Variants in CA10 observed in about 807,000 individuals in gnomAD.
The protein encoded by CA10 is carbonic anhydrase 10 (inactive).
In CA10, 14 loss-of-function variants were observed where a neutral mutation model predicts 44.2. The ratio of observed to expected loss-of-function variants is 0.32; its 90% confidence interval spans 0.21 to 0.50. The LOEUF is 0.50. Ranked by LOEUF, CA10 falls within the 20% of genes least tolerant of loss-of-function variation. The pLI is 0.99. For synonymous variants in CA10, 159 were observed against 141.6 expected, an observed-to-expected ratio of 1.12 and a Z score of -0.87; for missense variants, 350 against 409.7, an observed-to-expected ratio of 0.85 and a Z score of 1.26.
At chr17:52,029,972 G>C (rs774691215) in intron 2 of CA10, among the ~76,000 whole-genome samples, 1 of 152,124 alleles carries the variant, frequency 6.6e-6, no homozygotes, top group Non-Finnish European at 1.5e-5. Flanking sequence ...GACTTTTTAC[G>C]TCAAGTGAGG....
At chr17:51,822,285 G>A (rs1291637933) in intron 3 of CA10, among the ~76,000 whole-genome samples, 1 of 152,024 alleles carries the variant, frequency 6.6e-6, no homozygotes, top group Non-Finnish European at 1.5e-5. Flanking sequence ...GGGTGTGGTG[G>A]CGTGTGCCTG....
intron 1 of CA10, among the ~76,000 whole-genome samples, chr17:52,118,728 A>T (rs1243116391): frequency 5.3e-5 from 8 of 152,176 alleles, no homozygotes. Context: ...ATCAATCATG[A>T]TTAAGGTTGA....
chr17:51,770,010 G>A (rs1035212506), intron 3 of CA10, among the ~76,000 whole-genome samples: 2 of 152,096 alleles, frequency 1.3e-5, no homozygotes, highest in Non-Finnish European at 2.9e-5. Context: ...ATCTGGTGTA[G>A]AAAGGCTAGA....
intron 3 of CA10, among the ~76,000 whole-genome samples, chr17:51,776,824 C>T (rs1268666173): frequency 6.6e-6 from 1 of 152,170 alleles, no homozygotes; most frequent in Non-Finnish European, 1.5e-5. Flanking sequence ...ACGTATTGGA[C>T]AATTCAGTCC....
intron 3 of CA10, among the ~76,000 whole-genome samples, chr17:51,923,525 T>C (rs1255331968): frequency 2.0e-5 from 3 of 152,208 alleles, no homozygotes; most frequent in African/African-American, 4.8e-5. Context: ...TGTGTGTCTA[T>C]ATTTTCTCCC....
chr17:51,646,739 C>G (rs1913355291), intron 6 of CA10, among the ~76,000 whole-genome samples: 1 of 152,174 alleles, frequency 6.6e-6, no homozygotes, highest in Admixed American at 6.5e-5. Context: ...TCTGGCTGCC[C>G]TAGGGACAAA....
rs540071396 is a variant in CA10 at position 52,055,071 on chromosome 17, C to T, written c.136+17248G>A. On this transcript the variant is annotated intron_variant, in intron 2 of 8. Transcript: ENST00000451037. ...TATACACTTAGATATATCCCAGTGA[C>T]ATTTTTGAACTTCAGGAATAAAGAT... is the stretch of plus-strand genomic sequence containing the variant. Among the ~76,000 whole-genome samples the T allele has an allele frequency of 2.1e-4, 32 of 152,148 alleles. 1 individual carries two copies. The South Asian group carries it at 6.7e-3, about 32-fold the overall frequency.
chr17:52,136,321 G>T (rs1989357117), intron 1 of CA10, among the ~76,000 whole-genome samples: 1 of 152,194 alleles, frequency 6.6e-6, no homozygotes, highest in Admixed American at 6.5e-5. Flanking sequence ...CAGACCATTA[G>T]CATTAGAAAA....
chr17:52,035,109 A>G (rs1278809080), intron 2 of CA10, among the ~76,000 whole-genome samples: 2 of 152,148 alleles, frequency 1.3e-5, no homozygotes, highest in Admixed American at 6.5e-5. Flanking sequence ...CTGAAACAAC[A>G]GCCCAAAGTG....
chr17:51,912,258 CTA>C (rs973423076), intron 3 of CA10, among the ~76,000 whole-genome samples: 1 of 152,156 alleles, frequency 6.6e-6, no homozygotes, highest in African/African-American at 2.4e-5. Flanking sequence ...TCTGAAAACA[CTA>C]TGTGCTAGGC....
intron 3 of CA10, among the ~76,000 whole-genome samples, chr17:51,754,658 A>C (rs1289677420): frequency 6.6e-6 from 1 of 151,546 alleles, no homozygotes; most frequent in Admixed American, 6.6e-5. Flanking sequence ...TATGCAGGGC[A>C]ATCTGCTTTA....
At chr17:51,754,797 C>G (rs184914393) in intron 3 of CA10, among the ~76,000 whole-genome samples, 1 of 152,236 alleles carries the variant, frequency 6.6e-6, no homozygotes, top group African/African-American at 2.4e-5. Context: ...AACCACTACA[C>G]TTATTTTCAA....
rs138276538 is a variant in CA10, at chr17:51,959,754, G to A, written c.137-28622C>T. ...GTCTAAATAGAGCAGGTTGAGGTTA[G>A]ACTTATGACAAGAACCATGGGAGAC... On this transcript the variant is annotated intron_variant, in intron 2 of 8. Transcript: ENST00000451037. Among the ~76,000 whole-genome samples, 10 of 128,316 alleles carry A rather than the reference G, an allele frequency of 7.8e-5. No individual in the cohort carries two copies. In the East Asian group the frequency reaches 2.5e-3, roughly 32 times the overall value. 84.2% of individuals were successfully genotyped at this position (128,316 alleles called of 152,430 possible).
intron 3 of CA10, among the ~76,000 whole-genome samples, chr17:51,791,650 T>G (rs1476264215): frequency 6.6e-6 from 1 of 152,192 alleles, no homozygotes; most frequent in African/African-American, 2.4e-5. Flanking sequence ...AATCCCCATG[T>G]CTGGGGCATC....
chr17:51,928,668 C>G lies in CA10; in HGVS notation c.279+2322G>C, dbSNP rs575383089. Among the ~76,000 whole-genome samples the G allele has an allele frequency of 3.3e-5, 5 of 152,274 alleles. No individual in the cohort carries two copies. The South Asian group carries it at 1.0e-3, about 32-fold the overall frequency. On this transcript the variant is annotated intron_variant, in intron 3 of 8. Transcript: ENST00000451037. Reference sequence around the variant, plus strand: ...TGGCTCAGACTTCAAAATGTGACATCTTGCCCAAATTCAACAAAACTTCCC... The same window carrying G: ...TGGCTCAGACTTCAAAATGTGACATGTTGCCCAAATTCAACAAAACTTCCC...
intron 3 of CA10, among the ~76,000 whole-genome samples, chr17:51,880,358 G>A (rs1980308923): frequency 6.6e-6 from 1 of 152,020 alleles, no homozygotes; most frequent in Admixed American, 6.6e-5. Context: ...CCAGGCTGGA[G>A]TGCAGTGGCA....
intron 3 of CA10, among the ~76,000 whole-genome samples, chr17:51,830,195 CAAA>C (rs1220410518): frequency 1.1e-5 from 1 of 89,982 alleles, no homozygotes; most frequent in African/African-American, 4.8e-5. Context: ...GACTCCATCT[CAAA>C]AAAAAAAAAA....
intron 2 of CA10, among the ~76,000 whole-genome samples, chr17:51,976,351 TC>T (rs1278878657): frequency 9.2e-5 from 14 of 152,186 alleles, no homozygotes; most frequent in Non-Finnish European, 1.9e-4. Flanking sequence ...CATATTCTTT[TC>T]AAGATAGATC....
intron 3 of CA10, among the ~76,000 whole-genome samples, chr17:51,910,138 T>A (rs978690472): frequency 6.6e-6 from 1 of 151,918 alleles, no homozygotes; most frequent in Admixed American, 6.6e-5. Flanking sequence ...TGTCCTTTTG[T>A]GGGTTCATCC....
Sources: gnomAD v4.1 joint callset for allele counts (sites outside exome capture counted in the v4.1 genomes callset) on GRCh38, gnomAD v4.1.1 for gene constraint, MANE v1.5 for transcripts, NCBI Gene and HGNC (gene_info 2026-07-23, HGNC 2026-07-21) for gene names.